Variants in HMOX2 observed in about 807,000 individuals in gnomAD.
HMOX2 encodes heme oxygenase 2, also known as heme oxygenase (decycling) 2.
A neutral mutation model predicts 33.7 loss-of-function variants in HMOX2; 30 were observed. The observed-to-expected ratio is 0.89, with a 90% confidence interval of 0.67 to 1.21. HMOX2 has a LOEUF of 1.21. Ranked by LOEUF, HMOX2 falls within the 50% of genes most tolerant of loss-of-function variation. HMOX2 has a pLI of 0.00. For synonymous variants in HMOX2, 155 were observed against 155.0 expected (o/e 1.00, Z 0.00); for missense variants, 403 against 399.1 (o/e 1.01, Z -0.08).
intron 4 of HMOX2, among the ~76,000 whole-genome samples, chr16:4,509,031 G>T (rs938545476): frequency 6.6e-6 from 1 of 152,196 alleles, no homozygotes; most frequent in Non-Finnish European, 1.5e-5. Flanking sequence ...ACCTGCTCCA[G>T]CTCACTCTCT....
chr16:4,483,400 A>G (rs2058082013), intron 1 of HMOX2, among the ~76,000 whole-genome samples: 2 of 146,508 alleles, frequency 1.4e-5, no homozygotes, highest in Non-Finnish European at 2.9e-5. Context: ...GAGCCCACCA[A>G]GAGTTACTTA....
chr16:4,509,933 C>G lies in HMOX2; in HGVS notation c.*177C>G. The G allele has an allele frequency of 4.3e-6, 3 of 693,286 alleles. No homozygotes were observed. The highest frequency in any genetic ancestry group is 7.2e-6 in the Non-Finnish European group (3 of 419,506). The allele number at this position is 693,286 out of a possible 1,614,324, so 42.9% of individuals were successfully genotyped here. A position where few individuals can be genotyped will look rare whatever the true frequency, so the allele number is the denominator to read the frequency against. ...TGCCTGACAGCATCCTCTCTATGGG[C>G]CATATTCCGCACTGGGCACAGGCCG... On this transcript the variant is annotated 3_prime_UTR_variant, in exon 6 of 6. Transcript: ENST00000570646.
chr16:4,501,719 C>A (rs1027597283), intron 1 of HMOX2, among the ~76,000 whole-genome samples: 1 of 152,132 alleles, frequency 6.6e-6, no homozygotes, highest in African/African-American at 2.4e-5. Context: ...GTATAGAAAC[C>A]AGCCAGACTA....
intron 1 of HMOX2, among the ~76,000 whole-genome samples, chr16:4,483,068 A>G (rs189931080): frequency 2.8e-4 from 42 of 152,168 alleles, no homozygotes; most frequent in Non-Finnish European, 5.3e-4. Flanking sequence ...GAAGAGATGT[A>G]TAGGGTGAGG....
intron 3 of HMOX2, among the ~76,000 whole-genome samples, chr16:4,507,353 G>C (rs1457904967): frequency 6.6e-6 from 1 of 151,964 alleles, no homozygotes; most frequent in Non-Finnish European, 1.5e-5. Flanking sequence ...GCTGAGGTGG[G>C]AGAGTCACTT....
At chr16:4,501,317 TGGG>T (rs2058552638) in intron 1 of HMOX2, among the ~76,000 whole-genome samples, 2 of 152,240 alleles carry the variant, frequency 1.3e-5, no homozygotes, top group African/African-American at 4.8e-5. Flanking sequence ...AGTCGGTGTT[TGGG>T]ATCCTTTTTA....
intron 1 of HMOX2, chr16:4,495,551 C>T (rs922699255): frequency 6.6e-6 from 1 of 152,144 alleles, no homozygotes; most frequent in African/African-American, 2.4e-5. Context: ...GTAAAGATAC[C>T]TTGCAGGCCC....
Position 4,509,522 on chromosome 16 carries a change from T to A in HMOX2, c.807T>A (p.Ala269=). The A allele has an allele frequency of 6.2e-7, 1 of 1,614,166 alleles. No individual in the cohort carries two copies. Among genetic ancestry groups the A allele is most frequent in the Non-Finnish European group, 8.5e-7 (1 of 1,180,010 alleles). The part of the protein sequence containing the change: ...KGDMRKCPFY[A]AEQDKGALEG... The stretch of plus-strand genomic sequence containing the variant: ...ACATGCGTAAATGCCCTTTCTACGC[T>A]GCTGAACAAGACAAAGGTAGGTCTG... Residue 269 remains alanine (A), a synonymous_variant, in exon 5 of 6, where the codon GCT becomes GCA. Transcript: ENST00000570646.
intron 2 of HMOX2, 21 bp downstream of exon 2, chr16:4,505,631 G>A (rs780427550): frequency 5.2e-6 from 8 of 1,529,582 alleles, no homozygotes; most frequent in Non-Finnish European, 6.3e-6. Context: ...GGGGCTGGCT[G>A]CACTGAATCA....
intron 1 of HMOX2, among the ~76,000 whole-genome samples, chr16:4,486,460 A>G (rs1157092718): frequency 6.6e-6 from 1 of 152,222 alleles, no homozygotes; most frequent in African/African-American, 2.4e-5. Flanking sequence ...TGATTAGAGT[A>G]TGTCTGTCCC....
rs35433748 is a variant in HMOX2, at chr16:4,478,765, C to CA, written c.-42+2292dup. Among the ~76,000 whole-genome samples, 492 of 86,100 alleles carry CA rather than the reference C, an allele frequency of 5.7e-3. 2 individuals carry two copies. Among genetic ancestry groups the CA allele is most frequent in the Middle Eastern group, 0.014 (2 of 146 alleles). 56.5% of individuals were successfully genotyped at this position (86,100 alleles called of 152,430 possible). On this transcript the variant is annotated intron_variant, in intron 1 of 5. Transcript: ENST00000570646. ...GGGCAACAGGAGCAAAACTGCATCT[C>CA]AAAAAAAAAAAAAAGAAAGAAAGAA...
Position 4,507,023 on chromosome 16 carries a change from C to T in HMOX2, c.204+11C>T, listed in dbSNP as rs374647263. 4.8e-5 allele frequency: 74 copies of T among 1,551,426 alleles called. No individual in the cohort carries two copies. The highest frequency in any genetic ancestry group is 3.8e-4 in the East Asian group (17 of 44,610). ...AAGGAGCTGTTTAAGGTTTGTGCCC[C>T]GCATTGGGTTCCAGACTGTCATATG... On this transcript the variant is annotated intron_variant, in intron 3 of 5. Coordinates refer to ENST00000570646, the MANE Select transcript of HMOX2 (RefSeq NM_002134.4).
At chr16:4,491,027 G>A (rs1348253796) in intron 1 of HMOX2, among the ~76,000 whole-genome samples, 1 of 152,198 alleles carries the variant, frequency 6.6e-6, no homozygotes, top group Non-Finnish European at 1.5e-5. Context: ...TCTTTCAGTT[G>A]TGACAACTAA....
intron 1 of HMOX2, among the ~76,000 whole-genome samples, chr16:4,501,043 G>A (rs888218183): frequency 2.6e-5 from 4 of 152,102 alleles, no homozygotes; most frequent in African/African-American, 4.8e-5. Context: ...ACAGAAAAGA[G>A]GACCCAGGAG....
At chr16:4,497,566 G>T (rs2058452813) in intron 1 of HMOX2, among the ~76,000 whole-genome samples, 1 of 152,132 alleles carries the variant, frequency 6.6e-6, no homozygotes, top group Admixed American at 6.5e-5. Context: ...ACTCATCATT[G>T]TCCCAACAAT....
chr16:4,481,738 G>A (rs1567379511), intron 1 of HMOX2: 1 of 152,170 alleles, frequency 6.6e-6, no homozygotes, highest in Non-Finnish European at 1.5e-5. Flanking sequence ...GGTGATAAAT[G>A]TTTGTTGATG....
chr16:4,503,239 A>G (rs1327229125), intron 1 of HMOX2, among the ~76,000 whole-genome samples: 1 of 152,150 alleles, frequency 6.6e-6, no homozygotes, highest in Non-Finnish European at 1.5e-5. Context: ...GTGGACGCAC[A>G]GCTGGGCAGC....
intron 1 of HMOX2, among the ~76,000 whole-genome samples, chr16:4,478,880 T>C (rs963536799): frequency 5.3e-5 from 8 of 151,884 alleles, no homozygotes; most frequent in Non-Finnish European, 1.2e-4. Flanking sequence ...CTAGACTGGG[T>C]GCGGTGGCTC....
At chr16:4,491,521 G>A (rs994524946) in intron 1 of HMOX2, among the ~76,000 whole-genome samples, 1 of 151,916 alleles carries the variant, frequency 6.6e-6, no homozygotes, top group Non-Finnish European at 1.5e-5. Flanking sequence ...GCATGGTGTT[G>A]CATGCCTGTA....
Sources: gnomAD v4.1 joint callset for allele counts (sites outside exome capture counted in the v4.1 genomes callset) on GRCh38, gnomAD v4.1.1 for gene constraint, MANE v1.5 for transcripts, NCBI Gene and HGNC (gene_info 2026-07-23, HGNC 2026-07-21) for gene names.